Variants in STAG3 observed in about 807,000 individuals in gnomAD.
STAG3 encodes STAG3 cohesin complex component, also known as cohesin subunit SA-3.
Under a neutral mutation model 160.7 loss-of-function variants are expected in STAG3, and 101 were observed. The observed-to-expected ratio is 0.63, with a 90% CI of 0.54 to 0.74. The LOEUF (loss-of-function observed/expected upper bound fraction) is 0.74. Ranked by LOEUF, STAG3 falls within the 30% of genes least tolerant of loss-of-function variation. STAG3 has a pLI of 0.00. For synonymous variants in STAG3, 519 were observed against 585.0 expected (o/e 0.89, Z 1.63); for missense variants, 1,188 against 1,517.4 (o/e 0.78, Z 3.61).
intron 8 of STAG3, among the ~76,000 whole-genome samples, chr7:100,193,767 C>T (rs1319018560): frequency 6.6e-6 from 1 of 152,136 alleles, no homozygotes; most frequent in African/African-American, 2.4e-5. Flanking sequence ...CTAAAACTGT[C>T]TCTGTATCAG....
intron 4 of STAG3, among the ~76,000 whole-genome samples, chr7:100,183,347 C>T (rs1194804542): frequency 6.6e-6 from 1 of 152,180 alleles, no homozygotes; most frequent in African/African-American, 2.4e-5. Flanking sequence ...AAAGGTATCA[C>T]AGGAGTGATT....
At chr7:100,186,332 T>C in intron 5 of STAG3, 36 bp downstream of exon 5, 1 of 1,538,666 alleles carries the variant, frequency 6.5e-7, no homozygotes, top group Middle Eastern at 1.7e-4. Context: ...ATTCCCAGCC[T>C]TTTGTTCCTA....
intron 1 of STAG3, 124 bp from the exon 2 acceptor site, chr7:100,180,369 G>T (rs1251447325): frequency 1.9e-6 from 1 of 538,540 alleles, no homozygotes; most frequent in Non-Finnish European, 3.3e-6. Context: ...CTTTGTCTTA[G>T]TTTTTGGTCC....
At chr7:100,211,348 A>C in intron 30 of STAG3, 87 bp from the exon 31 acceptor site, 1 of 1,518,656 alleles carries the variant, frequency 6.6e-7, no homozygotes, top group Non-Finnish European at 9.1e-7. Context: ...CATCTCTCTG[A>C]GCTTTTCTCC....
chr7:100,197,389 A>T (rs1800758679), intron 10 of STAG3, 110 bp downstream of exon 10: 1 of 1,477,150 alleles, frequency 6.8e-7, no homozygotes, highest in South Asian at 1.1e-5. Context: ...GTGACCAATG[A>T]TGAACCCATC....
rs764199172 is a variant in STAG3, at chr7:100,182,716, A to G, written c.220-7A>G. On this transcript the variant is annotated splice_polypyrimidine_tract_variant and splice_region_variant and intron_variant, in intron 3 of 33. Coordinates refer to ENST00000615138, the MANE Select transcript of STAG3 (RefSeq NM_001282717.2). ...TTTCATATTTCTGATCTTTTTATAC[A>G]TATTAGGTGGCAAAACATCCAAAGA... 10 of 1,613,516 alleles carry G rather than the reference A, an allele frequency of 6.2e-6. No homozygotes were observed. The highest frequency in any genetic ancestry group is 1.7e-5 in the Admixed American group (1 of 59,940).
At chr7:100,218,760 A>G (rs575386692), downstream of STAG3, 84 of 291,000 alleles carry the variant, frequency 2.9e-4, no homozygotes, top group African/African-American at 1.7e-3. Context: ...TTCTTCTCAC[A>G]CATAGACATC....
Position 100,204,013 on chromosome 7 carries a change from C to A in STAG3, c.2701-8C>A, listed in dbSNP as rs1427271872. On this transcript the variant is annotated splice_region_variant and splice_polypyrimidine_tract_variant and intron_variant, in intron 25 of 33. Transcript: ENST00000615138. ...TCAGACATTACCTTCCCCACTCTTT[C>A]CCCTCAGTTCTACAATGACTATGGT... The A allele has an allele frequency of 2.5e-6, 4 of 1,595,274 alleles. No homozygotes were observed. Among genetic ancestry groups the A allele is most frequent in the South Asian group, 1.1e-5 (1 of 90,672 alleles).
intron 29 of STAG3, among the ~76,000 whole-genome samples, chr7:100,209,597 C>T (rs917414569): frequency 5.3e-5 from 8 of 152,098 alleles, no homozygotes; most frequent in Non-Finnish European, 1.0e-4. Flanking sequence ...GTGTCGAAAA[C>T]GACAGGAGAT....
At chr7:100,182,679 T>G in intron 3 of STAG3, 44 bp from the exon 4 acceptor site, 1 of 1,602,030 alleles carries the variant, frequency 6.2e-7, no homozygotes, top group Non-Finnish European at 8.5e-7. Context: ...ACTGTTACCT[T>G]TTTTGTTTTT....
chr7:100,197,379 G>C (rs1048098409), intron 10 of STAG3, 100 bp downstream of exon 10: 99 of 1,527,958 alleles, frequency 6.5e-5, no homozygotes, highest in Non-Finnish European at 8.5e-5. Flanking sequence ...ATTTTACCTA[G>C]TGACCAATGA....
At position 100,200,124 on chromosome 7, in the gene STAG3, T is replaced by C. The variant is rs1663710921; in HGVS notation, c.1678-112T>C. On this transcript the variant is annotated intron_variant, in intron 16 of 33. Transcript: ENST00000615138. ...AAAAAAGAAATCTCGTGGGAGCTAC[T>C]GAGTTCTCTTTTCCTTCTAGGCAGA... 3 of 677,722 alleles carry C rather than the reference T, an allele frequency of 4.4e-6. No individual in the cohort carries two copies. In the South Asian group the frequency reaches 6.4e-5, roughly 15 times the overall value. 42.0% of individuals were successfully genotyped at this position (677,722 alleles called of 1,614,324 possible).
chr7:100,212,852 C>A (rs1000847043), intron 32 of STAG3: 1 of 151,966 alleles, frequency 6.6e-6, no homozygotes, highest in African/African-American at 2.4e-5. Context: ...GAGTTGGAGT[C>A]CAGCCTGGGT....
downstream of STAG3, among the ~76,000 whole-genome samples, chr7:100,217,628 T>C (rs542155199): frequency 1.3e-5 from 2 of 152,146 alleles, no homozygotes; most frequent in African/African-American, 4.8e-5. Flanking sequence ...CTGCTATTTA[T>C]GGTATTCAAG....
At position 100,212,198 on chromosome 7, in the gene STAG3, C is replaced by A. The variant is rs1363618918; in HGVS notation, c.3600+322C>A. 2.1e-5 allele frequency: 5 copies of A among 241,796 alleles called. No homozygotes were observed. The East Asian group carries it at 5.3e-4, about 26-fold the overall frequency. The allele number at this position is 241,796 out of a possible 1,614,324, so 15.0% of individuals were successfully genotyped here. On this transcript the variant is annotated intron_variant, in intron 32 of 33. Transcript: ENST00000615138. ...TGCTGGAGGTGGGAGGTCATTCAGT[C>A]CAAGTGGCAGCCCCTTCAGTGTCTC...
Position 100,195,305 on chromosome 7 carries a change from C to T in STAG3, c.868-4C>T. On this transcript the variant is annotated splice_region_variant and splice_polypyrimidine_tract_variant and intron_variant, in intron 8 of 33. Transcript: ENST00000615138. Reference sequence around the variant, plus strand: ...AGATTAACCCGTTTCTCCCTGTCCTCCAGCTCCAAGAGCATCAAGAGGAGA... The same window carrying T: ...AGATTAACCCGTTTCTCCCTGTCCTTCAGCTCCAAGAGCATCAAGAGGAGA... 6.2e-7 allele frequency: 1 copy of T among 1,614,092 alleles called. No homozygotes were observed. The highest frequency in any genetic ancestry group is 8.5e-7 in the Non-Finnish European group (1 of 1,179,942).
chr7:100,200,292 G>T lies in STAG3; in HGVS notation c.1734G>T (p.Glu578Asp). 6.2e-7 allele frequency: 1 copy of T among 1,613,718 alleles called. No individual in the cohort carries two copies. The highest frequency in any genetic ancestry group is 8.5e-7 in the Non-Finnish European group (1 of 1,179,968). Residue 578 changes from glutamate (E) to aspartate (D), a missense_variant, in exon 17 of 34, where the codon GAG (glutamate) becomes GAT (aspartate). Physicochemically the swap from Glu to Asp is conservative, Grantham distance 45 (BLOSUM62 2). Transcript: ENST00000615138. ...TQADDRVKLT[E>D]HLIPLLPQLL... is the part of the protein sequence containing the mutation. The stretch of plus-strand genomic sequence containing the variant: ...CCGATGACAGGGTGAAGTTGACTGA[G>T]CACCTCATCCCCCTGCTGCCCCAGC...
At chr7:100,178,172 C>T (rs1799396002) in intron 1 of STAG3, 167 bp downstream of exon 1, 1 of 152,282 alleles carries the variant, frequency 6.6e-6, no homozygotes, top group Admixed American at 6.5e-5. Context: ...GGAGAATCCT[C>T]TCCCCAGGCC....
chr7:100,201,232 T>C, intron 20 of STAG3, 32 bp from the exon 21 acceptor site: 1 of 1,613,978 alleles, frequency 6.2e-7, no homozygotes, highest in Non-Finnish European at 8.5e-7. Context: ...TCTGTTCTTT[T>C]CCAGTATAAC....
Sources: gnomAD v4.1 joint callset for allele counts (sites outside exome capture counted in the v4.1 genomes callset) on GRCh38, gnomAD v4.1.1 for gene constraint, MANE v1.5 for transcripts, NCBI Gene and HGNC (gene_info 2026-07-23, HGNC 2026-07-21) for gene names.